PLA2G4D: variants seen among roughly 807,000 people sequenced by gnomAD.
PLA2G4D encodes cytosolic phospholipase A2 delta.
A neutral mutation model predicts 94.4 loss-of-function variants in PLA2G4D; 80 were observed. That is an observed-to-expected ratio of 0.85 (90% CI 0.71 to 1.02). The LOEUF (loss-of-function observed/expected upper bound fraction) is 1.02, where lower values mean the gene tolerates loss of function less well. Ranked by LOEUF, PLA2G4D falls within the 50% of genes least tolerant of loss-of-function variation. The pLI is 0.00. For missense variants in PLA2G4D, 1,050 were observed against 1,034.7 expected (o/e 1.01, Z -0.20); for synonymous variants, 438 against 440.9 (o/e 0.99, Z 0.08).
chr15:42,070,410 C>T (rs1053514203), intron 18 of PLA2G4D: 10 of 511,066 alleles, frequency 2.0e-5, no homozygotes, highest in Middle Eastern at 4.9e-4. Flanking sequence ...ATTGGCACAG[C>T]GTCTCAGGGG....
rs1395212822 is a variant in PLA2G4D, at chr15:42,072,342, C to A, written c.1368G>T (p.Gln456His). The stretch of plus-strand genomic sequence containing the variant: ...GGCTCAAGTAGAGGGGCAGAGGGTT[C>A]TGACCCCGTTCCAGGGCGGCTCTCT... ...SGQRAALERG[Q>H]NPLPLYLSLN... The change falls in exon 14 of 20, where the codon CAG becomes CAT. Residue 456 changes from glutamine (Q) to histidine (H), a missense_variant. By Grantham distance (24) the Gln-to-His change is conservative. Transcript: ENST00000290472. 1.2e-6 allele frequency: 2 copies of A among 1,613,586 alleles called. No individual in the cohort carries two copies. The highest frequency in any genetic ancestry group is 3.3e-5 in the Admixed American group (2 of 59,996).
At position 42,070,862 on chromosome 15, in the gene PLA2G4D, G is replaced by T; in HGVS notation, c.1898C>A (p.Pro633His). 6.2e-7 allele frequency: 1 copy of T among 1,611,970 alleles called. No homozygotes were observed. Among genetic ancestry groups the T allele is most frequent in the Non-Finnish European group, 8.5e-7 (1 of 1,179,214 alleles). The change falls in exon 18 of 20, where the codon CCC (proline) becomes CAC (histidine). Residue 633 changes from proline to histidine, a missense_variant. Physicochemically the swap from Pro to His is moderately conservative, Grantham distance 77 (BLOSUM62 -2). Coordinates refer to ENST00000290472, the MANE Select transcript of PLA2G4D (RefSeq NM_178034.4). ...TWADYQLDSMPSQLTPKEPRL... is the reference protein window; with the variant it reads ...TWADYQLDSMHSQLTPKEPRL... The stretch of plus-strand genomic sequence containing the variant: ...GGGCTCCTTGGGGGTCAGCTGGCTG[G>T]GCATGGAGTCAAGCTGGTAGTCTGG...
intron 13 of PLA2G4D, among the ~76,000 whole-genome samples, chr15:42,073,708 C>T (rs1191471019): frequency 6.6e-6 from 1 of 152,172 alleles, no homozygotes; most frequent in Non-Finnish European, 1.5e-5. Context: ...CCCTGAGAAT[C>T]AGCCTGTCAG....
chr15:42,078,001 T>C (rs575961289), intron 13 of PLA2G4D, among the ~76,000 whole-genome samples: 164 of 152,388 alleles, frequency 1.1e-3, no homozygotes, highest in Admixed American at 2.0e-3. Context: ...GGCAACAACC[T>C]GGAAGTTACG....
In PLA2G4D at chr15:42,087,678, T is replaced by C; in HGVS notation, c.68A>G (p.Gln23Arg). 1 of 1,614,154 alleles carries C rather than the reference T, an allele frequency of 6.2e-7. No homozygotes were observed. The highest frequency in any genetic ancestry group is 1.1e-5 in the South Asian group (1 of 91,088). Residue 23 changes from glutamine (Q) to arginine (R), a missense_variant, in exon 2 of 20, where the codon CAG (glutamine) becomes CGG (arginine). Gln to Arg is a conservative substitution (Grantham distance 43). Coordinates refer to ENST00000290472, the MANE Select transcript of PLA2G4D (RefSeq NM_178034.4). ...PYQGEASTCW[Q>R]LTVRVLEARN... Reference sequence around the variant, plus strand: ...CGCCTCCAGGACCCTCACTGTGAGCTGCCAGCAGGTAGAGGCCTCCCCCTG... The same window carrying C: ...CGCCTCCAGGACCCTCACTGTGAGCCGCCAGCAGGTAGAGGCCTCCCCCTG...
Position 42,071,165 on chromosome 15 carries a change from G to A in PLA2G4D, c.1834C>T (p.His612Tyr), listed in dbSNP as rs770217399. 2.5e-6 allele frequency: 4 copies of A among 1,613,108 alleles called. No homozygotes were observed. In the Admixed American group the frequency reaches 6.7e-5, roughly 27 times the overall value. Residue 612 changes from histidine (H) to tyrosine (Y), a missense_variant, in exon 17 of 20, where the codon CAC becomes TAC. Transcript: ENST00000290472. ...TCTTTGTGGCTACAGTAGTCCTGGT[G>A]CAGCTGGAGGCCCTGGAGGAAGTTG... ...SPNFLQGLQLHQDYCSHKDFS... is the reference protein window; with the variant it reads ...SPNFLQGLQLYQDYCSHKDFS...
intron 13 of PLA2G4D, among the ~76,000 whole-genome samples, chr15:42,079,016 G>A (rs1889980609): frequency 6.6e-6 from 1 of 152,136 alleles, no homozygotes; most frequent in Admixed American, 6.5e-5. Flanking sequence ...CTTATTCTAT[G>A]GTGAGGTATC....
At chr15:42,072,169 A>G (rs2141093274) in intron 14 of PLA2G4D, 106 bp downstream of exon 14, 1 of 1,127,988 alleles carries the variant, frequency 8.9e-7, no homozygotes, top group Non-Finnish European at 1.3e-6. Context: ...CTTCCGGAAC[A>G]TTGGGCAATC....
At chr15:42,075,547 CCAA>C (rs1236126360) in intron 13 of PLA2G4D, among the ~76,000 whole-genome samples, 1 of 152,036 alleles carries the variant, frequency 6.6e-6, no homozygotes, top group Non-Finnish European at 1.5e-5. Flanking sequence ...AATAAAAATC[CCAA>C]CAACATTTAT....
chr15:42,071,852 G>A lies in PLA2G4D; in HGVS notation c.1495C>T (p.Pro499Ser), dbSNP rs754010711. 5 of 1,614,078 alleles carry A rather than the reference G, an allele frequency of 3.1e-6. No individual in the cohort carries two copies. Among genetic ancestry groups the A allele is most frequent in the East Asian group, 2.2e-5 (1 of 44,894 alleles). Residue 499 changes from proline (P) to serine (S), a missense_variant, in exon 15 of 20, where the codon CCT (proline) becomes TCT (serine). Physicochemically the swap from Pro to Ser is moderately conservative, Grantham distance 74. Transcript: ENST00000290472. Reference sequence around the variant, plus strand: ...AAGAACTCGGAGCCGAAGAGCTCAGGAGGGACGAAGGCCCCGTACTTCAGG... The same window carrying A: ...AAGAACTCGGAGCCGAAGAGCTCAGAAGGGACGAAGGCCCCGTACTTCAGG... Reference protein sequence around the residue: ...GFLKYGAFVPPELFGSEFFMG... With the variant: ...GFLKYGAFVPSELFGSEFFMG...
Position 42,086,194 on chromosome 15 carries a change from T to TTGGGGGGGGGCGGC in PLA2G4D, c.387+18_387+19insGCCGCCCCCCCCCA. 2.2e-6 allele frequency: 3 copies of TTGGGGGGGGGCGGC among 1,370,442 alleles called. No homozygotes were observed. The highest frequency in any genetic ancestry group is 2.9e-6 in the Non-Finnish European group (3 of 1,043,084). 84.9% of individuals were successfully genotyped at this position (1,370,442 alleles called of 1,614,324 possible). A position where few individuals can be genotyped will look rare whatever the true frequency, so the allele number is the denominator to read the frequency against. On this transcript the variant is annotated intron_variant, in intron 4 of 19. Transcript: ENST00000290472. ...GGAAGAAGTGGGGCCCACGGGGACT[T>TTGGGGGGGGGCGGC]CCCCACCCACCCACCCACCTGGGGA...
chr15:42,079,434 C>T, intron 13 of PLA2G4D, 103 bp downstream of exon 13: 1 of 1,159,362 alleles, frequency 8.6e-7, no homozygotes, highest in South Asian at 1.5e-5. Flanking sequence ...ACTGGCTCTT[C>T]CACGCTGCAA....
rs1890050317 is a variant in PLA2G4D, at chr15:42,082,138, G to A, written c.783+141C>T. On this transcript the variant is annotated intron_variant, in intron 9 of 19. Coordinates refer to ENST00000290472, the MANE Select transcript of PLA2G4D (RefSeq NM_178034.4). ...GTAGAGATGGGGTTTTGCCATGTTGGCCAGGCTGTTCTCAAACTCCTGACT... is the reference window on the plus strand; with the variant it reads ...GTAGAGATGGGGTTTTGCCATGTTGACCAGGCTGTTCTCAAACTCCTGACT... The A allele has an allele frequency of 4.0e-6, 3 of 754,920 alleles. No individual in the cohort carries two copies. In the South Asian group the frequency reaches 5.4e-5, roughly 14 times the overall value. The allele number at this position is 754,920 out of a possible 1,614,324, so 46.8% of individuals were successfully genotyped here.
chr15:42,086,440 G>T, intron 3 of PLA2G4D, 96 bp from the exon 4 acceptor site: 1 of 1,246,860 alleles, frequency 8.0e-7, no homozygotes, highest in Non-Finnish European at 1.1e-6. Context: ...AGTCAGAGAA[G>T]ATCATTATGC....
At chr15:42,071,000 A>G in intron 17 of PLA2G4D, 117 bp from the exon 18 acceptor site, 2 of 1,517,502 alleles carry the variant, frequency 1.3e-6, no homozygotes, top group Non-Finnish European at 1.8e-6. Context: ...GGACCTTCCA[A>G]GGGGATCGTC....
intron 19 of PLA2G4D, 60 bp downstream of exon 19, chr15:42,069,849 G>C (rs1324898549): frequency 7.8e-7 from 1 of 1,289,730 alleles, no homozygotes; most frequent in Non-Finnish European, 1.0e-6. Flanking sequence ...GCAGCCGGGG[G>C]GCCCAGGGCA....
Position 42,086,195 on chromosome 15 carries a change from C to CCA in PLA2G4D, c.387+17_387+18insTG. 8.6e-5 allele frequency: 31 copies of CCA among 361,590 alleles called. No homozygotes were observed. The highest frequency in any genetic ancestry group is 1.6e-4 in the South Asian group (7 of 43,204). The allele number at this position is 361,590 out of a possible 1,614,324, so 22.4% of individuals were successfully genotyped here. ...GAAGAAGTGGGGCCCACGGGGACTT[C>CCA]CCCACCCACCCACCCACCTGGGGAC... On this transcript the variant is annotated intron_variant, in intron 4 of 19. Transcript: ENST00000290472.
intron 1 of PLA2G4D, among the ~76,000 whole-genome samples, chr15:42,090,417 G>A (rs886755739): frequency 2.0e-5 from 3 of 152,348 alleles, no homozygotes; most frequent in Admixed American, 2.0e-4. Flanking sequence ...AAAGAGCAGA[G>A]CTCGTATTTA....
chr15:42,073,466 C>T (rs1217800982), intron 13 of PLA2G4D, among the ~76,000 whole-genome samples: 1 of 152,210 alleles, frequency 6.6e-6, no homozygotes, highest in Admixed American at 6.5e-5. Context: ...CCTGGAGCAC[C>T]ACCTTGGGAA....
Sources: allele counts gnomAD v4.1 joint callset (sites outside exome capture counted in the v4.1 genomes callset), GRCh38; gene constraint gnomAD v4.1.1; transcripts MANE v1.5; gene names NCBI Gene and HGNC (gene_info 2026-07-23, HGNC 2026-07-21).